PAPPA2: variants seen among roughly 807,000 people sequenced by gnomAD.
PAPPA2 encodes the protein pappalysin-2.
Under a neutral mutation model 176.4 loss-of-function variants are expected in PAPPA2, and 86 were observed. The observed-to-expected ratio is 0.49, with a 90% CI of 0.41 to 0.58. The LOEUF (loss-of-function observed/expected upper bound fraction) is 0.58. Ranked by LOEUF, PAPPA2 falls within the 20% of genes least tolerant of loss-of-function variation. PAPPA2 has a pLI of 0.00. For synonymous variants in PAPPA2, 809 were observed against 852.2 expected (o/e 0.95, Z 0.88); for missense variants, 2,073 against 2,256.9 (o/e 0.92, Z 1.65).
chr1:176,817,745 G>T lies in PAPPA2; in HGVS notation c.5202+17613G>T, dbSNP rs1273915868. Among the ~76,000 whole-genome samples the T allele has an allele frequency of 4.0e-5, 6 of 151,522 alleles. No homozygotes were observed. In the East Asian group the frequency reaches 7.7e-4, roughly 20 times the overall value. ...CCTCTGTTAAAAAAAAAAAAAGAAA[G>T]AAAGAAAAGAAAAGATGCAGGCTTA... On this transcript the variant is annotated intron_variant, in intron 21 of 22. Transcript: ENST00000367662.
chr1:176,842,939 T>C lies in PAPPA2; in HGVS notation c.*485T>C, dbSNP rs568824887. 3 of 151,828 alleles carry C rather than the reference T, an allele frequency of 2.0e-5. No homozygotes were observed. The highest frequency in any genetic ancestry group is 7.2e-5 in the African/African-American group (3 of 41,380). The allele number at this position is 151,828 out of a possible 1,614,324, so 9.4% of individuals were successfully genotyped here. A position where few individuals can be genotyped will look rare whatever the true frequency, so the allele number is the denominator to read the frequency against. On this transcript the variant is annotated 3_prime_UTR_variant, in exon 23 of 23. Coordinates refer to ENST00000367662, the MANE Select transcript of PAPPA2 (RefSeq NM_020318.3). ...TCAACTGGCTCTTTTTCTTTTTGTG[T>C]AGTTTCCCTTAAATAATGAAGTTAG... is the stretch of plus-strand genomic sequence containing the variant.
intron 12 of PAPPA2, among the ~76,000 whole-genome samples, chr1:176,722,972 A>G (rs1661693156): frequency 6.6e-6 from 1 of 152,210 alleles, no homozygotes; most frequent in South Asian, 2.1e-4. Context: ...TGGTTAGTTT[A>G]TAAAGAAAAT....
At chr1:176,745,331 T>G (rs983475918) in intron 14 of PAPPA2, among the ~76,000 whole-genome samples, 2 of 152,174 alleles carry the variant, frequency 1.3e-5, no homozygotes, top group African/African-American at 4.8e-5. Flanking sequence ...ACAGCAGACA[T>G]TTTTTCAGTT....
At chr1:176,828,415 G>C (rs1169769140) in intron 21 of PAPPA2, among the ~76,000 whole-genome samples, 2 of 151,796 alleles carry the variant, frequency 1.3e-5, no homozygotes, top group African/African-American at 4.8e-5. Context: ...ATACCGGAAG[G>C]TTTCAGATAA....
At chr1:176,585,585 C>T (rs12061205) in intron 2 of PAPPA2, among the ~76,000 whole-genome samples, 21,304 of 152,046 alleles carry the variant, frequency 0.14, 1,548 homozygotes, top group Middle Eastern at 0.19. Context: ...TTCACCTTTT[C>T]TCTTTTCTTC....
chr1:176,803,303 C>T (rs10798482), intron 21 of PAPPA2, among the ~76,000 whole-genome samples: 70,341 of 151,900 alleles, frequency 0.46, 16,602 homozygotes, highest in East Asian at 0.72. Flanking sequence ...ATGCCTGGCC[C>T]GTAAGAGATT....
intron 3 of PAPPA2, among the ~76,000 whole-genome samples, chr1:176,598,695 A>G (rs1654116282): frequency 6.6e-6 from 1 of 152,130 alleles, no homozygotes; most frequent in Non-Finnish European, 1.5e-5. Flanking sequence ...CTGTTCTAAC[A>G]CTAAATAAAA....
intron 1 of PAPPA2, among the ~76,000 whole-genome samples, chr1:176,530,050 G>A (rs982435016): frequency 1.3e-5 from 2 of 152,108 alleles, no homozygotes; most frequent in Admixed American, 6.6e-5. Context: ...GTTTTTGCAA[G>A]TGGGCATGTG....
At chr1:176,710,280 T>A in intron 11 of PAPPA2, 104 bp downstream of exon 11, 1 of 1,065,198 alleles carries the variant, frequency 9.4e-7, no homozygotes, top group Non-Finnish European at 1.4e-6. Context: ...AAAGAAGAAG[T>A]AAGGAGTTAG....
chr1:176,790,790 C>T (rs896334273), intron 18 of PAPPA2, among the ~76,000 whole-genome samples: 2 of 152,116 alleles, frequency 1.3e-5, no homozygotes, highest in Admixed American at 6.5e-5. Context: ...GAGTATAATT[C>T]GTGAAGCCAA....
chr1:176,673,224 A>C (rs1463832086), intron 4 of PAPPA2, among the ~76,000 whole-genome samples: 3 of 152,150 alleles, frequency 2.0e-5, no homozygotes, highest in Non-Finnish European at 4.4e-5. Flanking sequence ...TGGTCGGGTA[A>C]ACTGGAGACA....
intron 1 of PAPPA2, among the ~76,000 whole-genome samples, chr1:176,472,489 A>G (rs985214827): frequency 2.0e-5 from 3 of 152,062 alleles, no homozygotes; most frequent in African/African-American, 4.8e-5. Context: ...CTCATCTTAC[A>G]TATTTTCTGC....
intron 3 of PAPPA2, among the ~76,000 whole-genome samples, chr1:176,609,326 C>T (rs977757355): frequency 2.6e-5 from 4 of 152,144 alleles, no homozygotes; most frequent in African/African-American, 7.2e-5. Flanking sequence ...GTGTGGTATA[C>T]AGCAGTGAAA....
chr1:176,720,647 A>C (rs1661575282), intron 12 of PAPPA2, among the ~76,000 whole-genome samples: 1 of 152,150 alleles, frequency 6.6e-6, no homozygotes. Context: ...ACATATAAAT[A>C]GATAATAAGA....
chr1:176,551,267 C>T (rs761098596), intron 1 of PAPPA2, among the ~76,000 whole-genome samples: 1 of 152,148 alleles, frequency 6.6e-6, no homozygotes, highest in Non-Finnish European at 1.5e-5. Context: ...GAATAAGATT[C>T]CAATAAACAT....
chr1:176,699,053 CT>C, intron 7 of PAPPA2, 46 bp from the exon 8 acceptor site: 1 of 1,557,848 alleles, frequency 6.4e-7, no homozygotes, highest in Non-Finnish European at 8.7e-7. Flanking sequence ...CATTTTCTGA[CT>C]TTTAATGGCT....
At chr1:176,597,625 T>C (rs577654355) in intron 3 of PAPPA2, among the ~76,000 whole-genome samples, 1 of 152,182 alleles carries the variant, frequency 6.6e-6, no homozygotes, top group South Asian at 2.1e-4. Context: ...ATGGCACGTG[T>C]GTACCTATGT....
At chr1:176,581,393 G>A (rs1286541987) in intron 2 of PAPPA2, among the ~76,000 whole-genome samples, 1 of 152,196 alleles carries the variant, frequency 6.6e-6, no homozygotes, top group Non-Finnish European at 1.5e-5. Context: ...GTCTGGTGGT[G>A]TGATGCCTCC....
intron 3 of PAPPA2, among the ~76,000 whole-genome samples, chr1:176,641,610 G>C (rs1432637476): frequency 6.6e-6 from 1 of 151,974 alleles, no homozygotes; most frequent in African/African-American, 2.4e-5. Context: ...AGTATAGTTT[G>C]AAGTCAGGTA....
Sources: allele counts gnomAD v4.1 joint callset (sites outside exome capture counted in the v4.1 genomes callset), GRCh38; gene constraint gnomAD v4.1.1; transcripts MANE v1.5; gene names NCBI Gene and HGNC (gene_info 2026-07-23, HGNC 2026-07-21).